COL4A5: variants seen among roughly 807,000 people sequenced by gnomAD.
COL4A5 encodes the protein collagen type IV alpha 5 chain.
Under a neutral mutation model 130.2 loss-of-function variants are expected in COL4A5, and 26 were observed. That is an observed-to-expected ratio of 0.20 (90% confidence interval 0.15 to 0.28). The LOEUF (loss-of-function observed/expected upper bound fraction) is 0.28, where lower values mean the gene tolerates loss of function less well. Ranked by LOEUF, COL4A5 falls within the 10% of genes least tolerant of loss-of-function variation. The pLI is 1.00. For synonymous variants in COL4A5, 496 were observed against 439.6 expected (o/e 1.13, Z -1.60); for missense variants, 1,131 against 1,344.3 (o/e 0.84, Z 2.48).
intron 49 of COL4A5, 36 bp from the exon 50 acceptor site, chrX:108,692,712 G>A (rs2068655560): frequency 1.7e-6 from 2 of 1,185,232 alleles, no homozygotes; most frequent in Non-Finnish European, 2.3e-6. Flanking sequence ...TCATTATCAC[G>A]CAGTCCTTTA....
intron 1 of COL4A5, among the ~76,000 whole-genome samples, chrX:108,473,702 G>T (rs1253990024): frequency 3.1e-5 from 3 of 95,779 alleles, no homozygotes; most frequent in Non-Finnish European, 6.2e-5. Flanking sequence ...TGCAATCTCG[G>T]TTCACTGCAA....
At chrX:108,693,101 A>T (rs1255780968) in intron 50 of COL4A5, among the ~76,000 whole-genome samples, 176 bp downstream of exon 50, 1 of 111,805 alleles carries the variant, frequency 8.9e-6, no homozygotes, top group Non-Finnish European at 1.9e-5. Flanking sequence ...TCTGCTTTTG[A>T]CCAGGCCCCC....
chrX:108,695,453 A>G lies in COL4A5; in HGVS notation c.4994+14A>G, dbSNP rs750472499. On this transcript the variant is annotated intron_variant, in intron 52 of 52. Coordinates refer to ENST00000328300, the MANE Select transcript of COL4A5 (RefSeq NM_033380.3). Reference sequence around the variant, plus strand: ...AGACATGTTCAGGTAAAGTGCTTATAGCTTTAATTCAGGTCCAAAGCTTCC... The same window carrying G: ...AGACATGTTCAGGTAAAGTGCTTATGGCTTTAATTCAGGTCCAAAGCTTCC... The G allele has an allele frequency of 8.3e-7, 1 of 1,207,638 alleles. No individual in the cohort carries two copies. Among genetic ancestry groups the G allele is most frequent in the Non-Finnish European group, 1.1e-6 (1 of 891,783 alleles).
chrX:108,612,605 A>C (rs2066856558), intron 29 of COL4A5, among the ~76,000 whole-genome samples: 1 of 111,918 alleles, frequency 8.9e-6, no homozygotes, highest in Non-Finnish European at 1.9e-5. Context: ...AAAAATGTGC[A>C]GGCTTTGTAT....
intron 31 of COL4A5, among the ~76,000 whole-genome samples, chrX:108,621,226 C>T (rs2067042663): frequency 9.4e-6 from 1 of 105,916 alleles, no homozygotes; most frequent in Non-Finnish European, 1.9e-5. Context: ...ATGATCACAG[C>T]CCACTGCAGC....
At chrX:108,678,053 C>T (rs1235480372) in intron 44 of COL4A5, among the ~76,000 whole-genome samples, 1 of 111,815 alleles carries the variant, frequency 8.9e-6, no homozygotes, top group Non-Finnish European at 1.9e-5. Flanking sequence ...CACACTTCTG[C>T]TTTGTATCTA....
Position 108,591,239 on chromosome X carries a change from A to G in COL4A5, c.1339+8A>G, listed in dbSNP as rs185648554. On this transcript the variant is annotated splice_region_variant and intron_variant, in intron 20 of 52. Coordinates refer to ENST00000328300, the MANE Select transcript of COL4A5 (RefSeq NM_033380.3). ...GCCCTCACATTCCTCCTAGTAAGCTATATTTTTCTCCTATTAAGTTCTATT... is the reference window on the plus strand; with the variant it reads ...GCCCTCACATTCCTCCTAGTAAGCTGTATTTTTCTCCTATTAAGTTCTATT... The G allele has an allele frequency of 1.1e-5, 13 of 1,200,405 alleles. No individual in the cohort carries two copies. In the African/African-American group the frequency reaches 1.6e-4, roughly 15 times the overall value.
intron 2 of COL4A5, among the ~76,000 whole-genome samples, chrX:108,544,537 C>T (rs990886323): frequency 1.9e-4 from 21 of 111,069 alleles, no homozygotes; most frequent in Non-Finnish European, 1.7e-4. Flanking sequence ...ATTTTTGCAT[C>T]GATGTTCATC....
intron 1 of COL4A5, among the ~76,000 whole-genome samples, chrX:108,490,180 A>G (rs1310139523): frequency 8.9e-6 from 1 of 111,896 alleles, no homozygotes; most frequent in Non-Finnish European, 1.9e-5. Flanking sequence ...TTACCTATAT[A>G]TGTTCATGTT....
At chrX:108,530,139 A>G (rs1200628436) in intron 1 of COL4A5, among the ~76,000 whole-genome samples, 1 of 111,627 alleles carries the variant, frequency 9.0e-6, no homozygotes, top group Non-Finnish European at 1.9e-5. Flanking sequence ...TCCAGGATAG[A>G]TCATGTGTTA....
intron 25 of COL4A5, among the ~76,000 whole-genome samples, chrX:108,600,613 C>G (rs2066610148): frequency 9.5e-6 from 1 of 105,194 alleles, no homozygotes; most frequent in Non-Finnish European, 1.9e-5. Context: ...AGAAACAGAA[C>G]CAATAAAAAG....
chrX:108,550,788 C>T (rs1337897052), intron 2 of COL4A5, among the ~76,000 whole-genome samples: 1 of 111,245 alleles, frequency 9.0e-6, no homozygotes, highest in East Asian at 2.8e-4. Flanking sequence ...ATGACATATG[C>T]TAAAATACTC....
intron 28 of COL4A5, among the ~76,000 whole-genome samples, chrX:108,604,309 A>G (rs1019184798): frequency 2.7e-5 from 3 of 112,444 alleles, no homozygotes; most frequent in African/African-American, 9.7e-5. Context: ...TCTTTGATCC[A>G]TGGGCTGCAG....
intron 37 of COL4A5, among the ~76,000 whole-genome samples, chrX:108,661,020 A>T (rs767042117): frequency 1.3e-4 from 15 of 112,111 alleles, no homozygotes; most frequent in African/African-American, 4.8e-4. Flanking sequence ...ATAATTGCCT[A>T]CAGGATGCAG....
intron 13 of COL4A5, among the ~76,000 whole-genome samples, chrX:108,579,495 G>A (rs1251643482): frequency 8.9e-6 from 1 of 111,968 alleles, no homozygotes; most frequent in African/African-American, 3.2e-5. Context: ...ATTAGGTTAT[G>A]GTAAGTCAGA....
intron 40 of COL4A5, among the ~76,000 whole-genome samples, chrX:108,667,588 C>A (rs1252321801): frequency 9.2e-6 from 1 of 108,659 alleles, no homozygotes; most frequent in Non-Finnish European, 1.9e-5. Flanking sequence ...TGTGTGCACA[C>A]ACACATCTAC....
intron 1 of COL4A5, among the ~76,000 whole-genome samples, chrX:108,487,901 C>A (rs752865841): frequency 5.3e-5 from 6 of 112,189 alleles, no homozygotes; most frequent in Non-Finnish European, 1.1e-4. Flanking sequence ...TTCGTTCTTA[C>A]CCTGCCCCAA....
Position 108,603,015 on chromosome X carries a change from T to C in COL4A5, c.2198T>C (p.Ile733Thr), listed in dbSNP as rs761492853. The change falls in exon 28 of 53, where the codon ATT (isoleucine) becomes ACT (threonine). Residue 733 changes from isoleucine to threonine, a missense_variant. Transcript: ENST00000328300. ...GGAGCACCTGGGACACCTGGAAGAA[T>C]TGGTCTAGAAGGCCCTCCTGGGCCA... is the stretch of plus-strand genomic sequence containing the variant. ...PPGAPGTPGR[I>T]GLEGPPGPPG... is the part of the protein sequence containing the mutation. The C allele has an allele frequency of 1.7e-6, 2 of 1,195,130 alleles. No individual in the cohort carries two copies. The highest frequency in any genetic ancestry group is 1.1e-6 in the Non-Finnish European group (1 of 885,217).
In COL4A5 at chrX:108,526,603, T is replaced by C. The variant is rs867835668; in HGVS notation, c.82-13143T>C. 2.2e-3 allele frequency among the ~76,000 whole-genome samples: 71 copies of C among 32,962 alleles called. 1 individual carries two copies. The highest frequency in any genetic ancestry group is 0.012 in the African/African-American group (63 of 5,119). The allele number at this position is 32,962 out of a possible 115,157, so 28.6% of individuals were successfully genotyped here. Reference sequence around the variant, plus strand: ...TCCCTCCCTCCCTCCCTCCTTTCTTTCTTTCTTTCTTTCTTTCTTTCTTTC... The same window carrying C: ...TCCCTCCCTCCCTCCCTCCTTTCTTCCTTTCTTTCTTTCTTTCTTTCTTTC... On this transcript the variant is annotated intron_variant, in intron 1 of 52. Transcript: ENST00000328300.
Sources: gnomAD v4.1 joint callset for allele counts (sites outside exome capture counted in the v4.1 genomes callset) on GRCh38, gnomAD v4.1.1 for gene constraint, MANE v1.5 for transcripts, NCBI Gene and HGNC (gene_info 2026-07-23, HGNC 2026-07-21) for gene names.